The following LARGE1 variants were observed in gnomAD, a reference collection of about 807,000 sequenced individuals.
LARGE1 encodes xylosyl- and glucuronyltransferase LARGE1.
A neutral mutation model predicts 87.6 loss-of-function variants in LARGE1; 43 were observed. The observed-to-expected ratio is 0.49, with a 90% CI of 0.38 to 0.63. LARGE1 has a LOEUF of 0.63. Among genes scored for constraint, LARGE1 ranks in the 30% least tolerant of loss-of-function variants. The probability of loss-of-function intolerance (pLI) is 0.00; values close to 1 mark genes in which losing one functional copy is unlikely to be tolerated. For missense variants in LARGE1, 802 were observed against 1,000.2 expected, an observed-to-expected ratio of 0.80 and a Z score of 2.67; for synonymous variants, 434 against 394.6, an observed-to-expected ratio of 1.10 and a Z score of -1.18.
chr22:33,749,760 C>G (rs574227362), intron 2 of LARGE1, among the ~76,000 whole-genome samples: 3 of 152,164 alleles, frequency 2.0e-5, no homozygotes, highest in Non-Finnish European at 2.9e-5. Flanking sequence ...CACAGAAGTT[C>G]GCATGTCTTC....
intron 6 of LARGE1, among the ~76,000 whole-genome samples, chr22:33,517,155 T>C (rs999580488): frequency 5.3e-5 from 8 of 152,118 alleles, no homozygotes; most frequent in African/African-American, 1.7e-4. Flanking sequence ...ACGTATTAAC[T>C]GATGATTCCA....
At chr22:33,757,559 T>C (rs972646290) in intron 2 of LARGE1, among the ~76,000 whole-genome samples, 8 of 152,194 alleles carry the variant, frequency 5.3e-5, no homozygotes, top group East Asian at 1.9e-4. Flanking sequence ...CAATATATCA[T>C]GCTGCGGCGT....
At chr22:33,179,205 T>C (rs1923035345) in intron 11 of LARGE1, among the ~76,000 whole-genome samples, 1 of 152,154 alleles carries the variant, frequency 6.6e-6, no homozygotes, top group Admixed American at 6.5e-5. Context: ...GGAAGGCATA[T>C]TCAAACCATA....
intron 2 of LARGE1, among the ~76,000 whole-genome samples, chr22:33,651,223 T>TAAAAAAAAAATAAAAAAAA (rs1371688457): frequency 5.8e-5 from 1 of 17,146 alleles, no homozygotes; most frequent in Non-Finnish European, 1.1e-4. Flanking sequence ...CTACTAAAAA[T>TAAAAAAAAAATAAAAAAAA]ACAAAAAAAA....
At chr22:33,556,538 A>AGGAGGGAG (rs769770874) in intron 6 of LARGE1, among the ~76,000 whole-genome samples, 13 of 72,564 alleles carry the variant, frequency 1.8e-4, no homozygotes, top group East Asian at 1.6e-3. Context: ...GAGGGAGGGA[A>AGGAGGGAG]GGAGGGAGGG....
At chr22:33,707,827 T>A (rs1319833946) in intron 2 of LARGE1, among the ~76,000 whole-genome samples, 1 of 152,168 alleles carries the variant, frequency 6.6e-6, no homozygotes, top group African/African-American at 2.4e-5. Flanking sequence ...GTGAGGGCCC[T>A]GGGGGCGAGA....
chr22:33,490,930 GTTT>G (rs1210862865), intron 6 of LARGE1, among the ~76,000 whole-genome samples: 2 of 152,088 alleles, frequency 1.3e-5, no homozygotes, highest in Admixed American at 1.3e-4. Context: ...TCTTACTCCT[GTTT>G]TTCTCTTTAT....
intron 2 of LARGE1, among the ~76,000 whole-genome samples, chr22:33,735,380 C>T (rs2083618801): frequency 6.6e-6 from 1 of 152,146 alleles, no homozygotes; most frequent in African/African-American, 2.4e-5. Flanking sequence ...CTGGGTGTCC[C>T]CCCTGCATAC....
At chr22:33,887,575 A>T (rs1282709268) in intron 1 of LARGE1, among the ~76,000 whole-genome samples, 1 of 152,148 alleles carries the variant, frequency 6.6e-6, no homozygotes, top group Non-Finnish European at 1.5e-5. Flanking sequence ...TGTCTCTACT[A>T]AAAATACAAA....
intron 5 of LARGE1, among the ~76,000 whole-genome samples, chr22:33,595,154 CTCTT>C (rs1474538239): frequency 1.3e-5 from 2 of 152,070 alleles, no homozygotes; most frequent in African/African-American, 2.4e-5. Context: ...GCACTTCTCT[CTCTT>C]TTTTTTAATT....
At chr22:33,310,889 C>T (rs957091093) in intron 11 of LARGE1, among the ~76,000 whole-genome samples, 12 of 151,852 alleles carry the variant, frequency 7.9e-5, no homozygotes, top group Admixed American at 3.9e-4. Flanking sequence ...GTGTCTGCTA[C>T]GCTTGGGCTG....
chr22:33,379,457 C>T (rs2065090310), intron 9 of LARGE1, among the ~76,000 whole-genome samples: 1 of 152,036 alleles, frequency 6.6e-6, no homozygotes, highest in South Asian at 2.1e-4. Context: ...GTTCCCCACC[C>T]TGTGTCCAAG....
intron 11 of LARGE1, among the ~76,000 whole-genome samples, chr22:33,178,860 T>C (rs1009829295): frequency 6.6e-6 from 1 of 152,200 alleles, no homozygotes; most frequent in African/African-American, 2.4e-5. Flanking sequence ...TATCCATGTC[T>C]TACTCCATTT....
At chr22:33,337,291 G>A (rs1938576190) in intron 10 of LARGE1, among the ~76,000 whole-genome samples, 1 of 152,058 alleles carries the variant, frequency 6.6e-6, no homozygotes, top group Non-Finnish European at 1.5e-5. Flanking sequence ...TGAATCCAGG[G>A]TCTCCCATGT....
chr22:33,354,779 C>T (rs758603605), intron 9 of LARGE1, among the ~76,000 whole-genome samples: 38 of 152,284 alleles, frequency 2.5e-4, no homozygotes, highest in South Asian at 1.7e-3. Context: ...TAGGAGGGAT[C>T]CTTTTTGCAG....
chr22:33,782,368 G>T (rs985749126), intron 1 of LARGE1, among the ~76,000 whole-genome samples: 1 of 152,120 alleles, frequency 6.6e-6, no homozygotes, highest in Non-Finnish European at 1.5e-5. Context: ...TGCATATGGG[G>T]TTTCTTTTGG....
intron 2 of LARGE1, among the ~76,000 whole-genome samples, chr22:33,664,316 G>A (rs2081209138): frequency 6.6e-6 from 1 of 152,130 alleles, no homozygotes; most frequent in Non-Finnish European, 1.5e-5. Context: ...CATCACTTTT[G>A]CTCCCCACTG....
At chr22:33,288,326 G>A (rs563732025) in intron 12 of LARGE1, among the ~76,000 whole-genome samples, 19 of 152,256 alleles carry the variant, frequency 1.2e-4, no homozygotes, top group African/African-American at 3.9e-4. Context: ...CAGAGAAGAC[G>A]GAATACTGCC....
intron 6 of LARGE1, among the ~76,000 whole-genome samples, chr22:33,527,432 C>T (rs2071967820): frequency 6.6e-6 from 1 of 152,160 alleles, no homozygotes; most frequent in African/African-American, 2.4e-5. Flanking sequence ...GCAGTGGAGA[C>T]ACAGAGCCAA....
Sources: gnomAD v4.1 joint callset for allele counts (sites outside exome capture counted in the v4.1 genomes callset) on GRCh38, gnomAD v4.1.1 for gene constraint, MANE v1.5 for transcripts, NCBI Gene and HGNC (gene_info 2026-07-23, HGNC 2026-07-21) for gene names.